Variants in SRRM4 observed in about 807,000 individuals in gnomAD.
SRRM4 encodes serine/arginine repetitive matrix 4.
Under a neutral mutation model 68.9 loss-of-function variants are expected in SRRM4, and 33 were observed. That is an observed-to-expected ratio of 0.48 (90% CI 0.36 to 0.64). SRRM4 has a LOEUF of 0.64. SRRM4 is among the 30% of genes least tolerant of loss of function. The probability of loss-of-function intolerance (pLI) is 0.00; values close to 1 mark genes in which losing one functional copy is unlikely to be tolerated. For missense variants in SRRM4, 817 were observed against 827.1 expected, an observed-to-expected ratio of 0.99 and a Z score of 0.15; for synonymous variants, 318 against 318.8, an observed-to-expected ratio of 1.00 and a Z score of 0.03.
chr12:119,041,826 G>T (rs888287934), intron 1 of SRRM4, among the ~76,000 whole-genome samples: 1 of 152,190 alleles, frequency 6.6e-6, no homozygotes, highest in African/African-American at 2.4e-5. Context: ...TGGTCAGAGG[G>T]TGATGAGCAT....
chr12:119,145,674 C>A lies in SRRM4; in HGVS notation c.1065C>A (p.Gly355=). 6.6e-7 allele frequency: 1 copy of A among 1,521,914 alleles called. No individual in the cohort carries two copies. Among genetic ancestry groups the A allele is most frequent in the Non-Finnish European group, 8.8e-7 (1 of 1,135,700 alleles). 94.3% of individuals were successfully genotyped at this position (1,521,914 alleles called of 1,614,324 possible). A position where few individuals can be genotyped will look rare whatever the true frequency, so the allele number is the denominator to read the frequency against. ...AGAATCTCTCCCCCACCAGCAGGGG[C>A]AGAGAGTCAAGGTCAGTGCACCACA... The part of the protein sequence containing the change: ...MLENLSPTSR[G]RESRGFQSPC... Residue 355 remains glycine (G), a synonymous_variant, in exon 9 of 13, where the codon GGC becomes GGA. Coordinates refer to ENST00000267260, the MANE Select transcript of SRRM4 (RefSeq NM_194286.4).
At chr12:119,136,335 C>T (rs1357177396) in intron 8 of SRRM4, among the ~76,000 whole-genome samples, 2 of 152,204 alleles carry the variant, frequency 1.3e-5, no homozygotes, top group Non-Finnish European at 2.9e-5. Context: ...TTCTGCAAAG[C>T]CTTTGAGCTC....
intron 2 of SRRM4, among the ~76,000 whole-genome samples, chr12:119,107,036 T>C (rs904820819): frequency 6.6e-6 from 1 of 152,222 alleles, no homozygotes; most frequent in African/African-American, 2.4e-5. Context: ...TTGAATTTTG[T>C]CAAAGGCCTT....
intron 2 of SRRM4, among the ~76,000 whole-genome samples, chr12:119,106,967 A>G (rs1954111533): frequency 6.6e-6 from 1 of 152,106 alleles, no homozygotes; most frequent in Non-Finnish European, 1.5e-5. Context: ...AGCTCTCATT[A>G]TTTTGAGATA....
chr12:119,035,587 T>C (rs1953621446), intron 1 of SRRM4, among the ~76,000 whole-genome samples: 1 of 152,212 alleles, frequency 6.6e-6, no homozygotes, highest in African/African-American at 2.4e-5. Context: ...ACCTCATCTT[T>C]ATTTTTTAAA....
intron 9 of SRRM4, among the ~76,000 whole-genome samples, chr12:119,148,146 T>C (rs1954416328): frequency 6.6e-6 from 1 of 152,194 alleles, no homozygotes; most frequent in African/African-American, 2.4e-5. Context: ...TTGTTCCATA[T>C]AGCCAAAATT....
chr12:119,140,721 G>A (rs569312170), intron 8 of SRRM4, among the ~76,000 whole-genome samples: 25 of 152,312 alleles, frequency 1.6e-4, no homozygotes, highest in Middle Eastern at 3.4e-3. Context: ...TTTGCAGGTC[G>A]GAAACTTCTC....
intron 8 of SRRM4, among the ~76,000 whole-genome samples, chr12:119,138,873 G>C (rs989413369): frequency 1.7e-4 from 26 of 152,152 alleles, no homozygotes; most frequent in African/African-American, 6.0e-4. Flanking sequence ...CATCATGGAG[G>C]GTGAGGGCTG....
chr12:119,031,728 T>C (rs941849891), intron 1 of SRRM4, among the ~76,000 whole-genome samples: 1 of 152,194 alleles, frequency 6.6e-6, no homozygotes, highest in African/African-American at 2.4e-5. Flanking sequence ...CTGTTTTTAT[T>C]TGCATTTCTT....
intron 2 of SRRM4, among the ~76,000 whole-genome samples, chr12:119,104,002 C>T (rs1954092942): frequency 6.6e-6 from 1 of 152,066 alleles, no homozygotes; most frequent in African/African-American, 2.4e-5. Flanking sequence ...GACTCCGTCT[C>T]AAAATAAAAA....
At chr12:119,123,952 T>C (rs547801867) in intron 6 of SRRM4, among the ~76,000 whole-genome samples, 2 of 152,250 alleles carry the variant, frequency 1.3e-5, no homozygotes, top group East Asian at 3.9e-4. Context: ...GAAAAGGGCT[T>C]GGTGGCCTCC....
intron 1 of SRRM4, among the ~76,000 whole-genome samples, chr12:119,029,284 A>C (rs1212590188): frequency 6.6e-6 from 1 of 152,174 alleles, no homozygotes; most frequent in Admixed American, 6.5e-5. Flanking sequence ...GGAAAATGAT[A>C]CTATTCTAAG....
At position 119,028,526 on chromosome 12, in the gene SRRM4, C is replaced by T. The variant is rs1253408180; in HGVS notation, c.131+46513C>T. 2.6e-5 allele frequency among the ~76,000 whole-genome samples: 4 copies of T among 152,220 alleles called. No individual in the cohort carries two copies. In the East Asian group the frequency reaches 7.7e-4, roughly 29 times the overall value. ...TTTCACCTCTGCCATGATTGTGAGG[C>T]CTCCCCAGCCACACAGAACTTGAGT... On this transcript the variant is annotated intron_variant, in intron 1 of 12. Transcript: ENST00000267260.
chr12:119,065,834 T>A (rs910907339), intron 1 of SRRM4, among the ~76,000 whole-genome samples: 2 of 152,054 alleles, frequency 1.3e-5, no homozygotes, highest in Non-Finnish European at 2.9e-5. Flanking sequence ...GATAGATGGA[T>A]GAGTGGATGG....
intron 1 of SRRM4, among the ~76,000 whole-genome samples, chr12:119,006,061 C>G (rs1444752277): frequency 6.6e-6 from 1 of 152,112 alleles, no homozygotes; most frequent in Non-Finnish European, 1.5e-5. Context: ...AGGAATGCAC[C>G]AGAGGAATTT....
chr12:119,153,805 G>A (rs1954454906), intron 11 of SRRM4, among the ~76,000 whole-genome samples, 156 bp downstream of exon 11: 1 of 151,996 alleles, frequency 6.6e-6, no homozygotes, highest in African/African-American at 2.4e-5. Flanking sequence ...AATCAGGAGT[G>A]GCAGCGAGGC....
At chr12:118,988,478 C>T (rs1245003602) in intron 1 of SRRM4, among the ~76,000 whole-genome samples, 2 of 152,178 alleles carry the variant, frequency 1.3e-5, no homozygotes, top group African/African-American at 4.8e-5. Context: ...TATTAGGCTT[C>T]TTGTCCTTCA....
Position 119,144,135 on chromosome 12 carries a change from C to A in SRRM4, c.772-1246C>A, listed in dbSNP as rs58019692. Among the ~76,000 whole-genome samples, 109 of 152,246 alleles carry A rather than the reference C, an allele frequency of 7.2e-4. 1 individual carries two copies. The highest frequency in any genetic ancestry group is 2.5e-3 in the African/African-American group (103 of 41,552). Reference sequence around the variant, plus strand: ...TCAGCCCTAGACAGGGTTCTCGGGGCCCCTCTTTATTCCCAGTCACCCCAA... The same window carrying A: ...TCAGCCCTAGACAGGGTTCTCGGGGACCCTCTTTATTCCCAGTCACCCCAA... On this transcript the variant is annotated intron_variant, in intron 8 of 12. Coordinates refer to ENST00000267260, the MANE Select transcript of SRRM4 (RefSeq NM_194286.4).
chr12:119,009,335 G>T (rs190399198), intron 1 of SRRM4, among the ~76,000 whole-genome samples: 2 of 152,114 alleles, frequency 1.3e-5, no homozygotes, highest in Non-Finnish European at 2.9e-5. Flanking sequence ...GGGATGGGAC[G>T]CACAAGCCGA....
Sources: allele counts gnomAD v4.1 joint callset (sites outside exome capture counted in the v4.1 genomes callset), GRCh38; gene constraint gnomAD v4.1.1; transcripts MANE v1.5; gene names NCBI Gene and HGNC (gene_info 2026-07-23, HGNC 2026-07-21).